Variants in CSDE1 observed in about 807,000 individuals in gnomAD.
CSDE1 encodes cold shock domain containing E1.
CSDE1 carries 17 observed loss-of-function variants against 89.3 expected under a neutral mutation model. The observed-to-expected ratio is 0.19, with a 90% CI of 0.13 to 0.29. CSDE1 has a LOEUF of 0.29. CSDE1 is among the 10% of genes least tolerant of loss of function. CSDE1 has a pLI of 1.00. For missense variants in CSDE1, 672 were observed against 984.2 expected (o/e 0.68, Z 4.24); for synonymous variants, 322 against 332.8 (o/e 0.97, Z 0.35).
In CSDE1 at chr1:114,727,371, C is replaced by T. The variant is rs75569867; in HGVS notation, c.1357-281G>A. On this transcript the variant is annotated intron_variant, in intron 12 of 19. Coordinates refer to ENST00000358528, the MANE Select transcript of CSDE1 (RefSeq NM_001007553.3). ...ACTGAAAATGTTTAATACACCTGCG[C>T]TCCTCATAGCCAATCAGAAATTAAA... Among the ~76,000 whole-genome samples the T allele has an allele frequency of 8.5e-3, 1,298 of 152,238 alleles. 17 individuals are homozygous for T. Among genetic ancestry groups the T allele is most frequent in the African/African-American group, 0.029 (1,221 of 41,542 alleles).
chr1:114,735,479 C>T (rs1660350112), intron 6 of CSDE1, among the ~76,000 whole-genome samples: 1 of 152,162 alleles, frequency 6.6e-6, no homozygotes, highest in South Asian at 2.1e-4. Flanking sequence ...CGACAAGTAA[C>T]TTTGTGAGAA....
intron 13 of CSDE1, 69 bp downstream of exon 13, chr1:114,726,914 C>T (rs1478776932): frequency 1.0e-6 from 1 of 991,180 alleles, no homozygotes. Flanking sequence ...TTTGAAGAAC[C>T]CATCCTGCAG....
chr1:114,731,365 A>G (rs1557996128), intron 10 of CSDE1, among the ~76,000 whole-genome samples: 4 of 151,848 alleles, frequency 2.6e-5, no homozygotes, highest in African/African-American at 9.7e-5. Flanking sequence ...ACCGTAAAGC[A>G]AAACAGATCT....
intron 2 of CSDE1, among the ~76,000 whole-genome samples, chr1:114,747,701 T>C (rs1661087821): frequency 6.6e-6 from 1 of 151,892 alleles, no homozygotes; most frequent in Non-Finnish European, 1.5e-5. Flanking sequence ...CTACTAAAAA[T>C]ACAAAAATAA....
At chr1:114,757,462 T>C (rs1199242445) in intron 1 of CSDE1, among the ~76,000 whole-genome samples, 1 of 151,946 alleles carries the variant, frequency 6.6e-6, no homozygotes, top group African/African-American at 2.4e-5. Flanking sequence ...TCTCAGGCTC[T>C]TCCAACCTCA....
chr1:114,737,599 T>C (rs1269543536), intron 4 of CSDE1, 36 bp from the exon 5 acceptor site: 2 of 1,494,544 alleles, frequency 1.3e-6, no homozygotes, highest in African/African-American at 2.8e-5. Flanking sequence ...CCATTGCTAA[T>C]CATTTCAGGA....
chr1:114,722,798 G>C (rs1478940330), intron 16 of CSDE1, among the ~76,000 whole-genome samples: 1 of 152,106 alleles, frequency 6.6e-6, no homozygotes, highest in Admixed American at 6.6e-5. Context: ...TGATGTCATG[G>C]CATTTGTTTA....
Position 114,724,019 on chromosome 1 carries a change from G to A in CSDE1, c.1754-17C>T. The A allele has an allele frequency of 6.2e-7, 1 of 1,603,372 alleles. No homozygotes were observed. Among genetic ancestry groups the A allele is most frequent in the Non-Finnish European group, 8.5e-7 (1 of 1,175,076 alleles). Reference sequence around the variant, plus strand: ...TGCCATTCACTACAAAACAAAGGCAGGTACATCTTTCAATTTTATTTCATC... The same window carrying A: ...TGCCATTCACTACAAAACAAAGGCAAGTACATCTTTCAATTTTATTTCATC... On this transcript the variant is annotated splice_polypyrimidine_tract_variant and intron_variant, in intron 15 of 19. Coordinates refer to ENST00000358528, the MANE Select transcript of CSDE1 (RefSeq NM_001007553.3).
intron 12 of CSDE1, among the ~76,000 whole-genome samples, chr1:114,729,382 A>AACC (rs1659978811): frequency 6.6e-6 from 1 of 151,878 alleles, no homozygotes; most frequent in Non-Finnish European, 1.5e-5. Flanking sequence ...TACAGGTGTG[A>AACC]GCCACCGCAC....
Position 114,745,239 on chromosome 1 carries a change from G to A in CSDE1, c.-1+4582C>T, listed in dbSNP as rs181558846. Among the ~76,000 whole-genome samples the A allele has an allele frequency of 3.3e-5, 5 of 152,152 alleles. No homozygotes were observed. The East Asian group carries it at 9.6e-4, about 29-fold the overall frequency. ...ACTGCATTGCAGAAAAGCTCTCCTG[G>A]GGAAATCTGAAATGTGAAAAAAGCT... is the stretch of plus-strand genomic sequence containing the variant. On this transcript the variant is annotated intron_variant, in intron 2 of 19. Transcript: ENST00000358528.
intron 2 of CSDE1, among the ~76,000 whole-genome samples, chr1:114,744,108 A>T (rs1179981617): frequency 6.6e-6 from 1 of 152,236 alleles, no homozygotes; most frequent in East Asian, 1.9e-4. Flanking sequence ...AGATAATTTA[A>T]CAGAACCTTG....
chr1:114,749,521 C>G (rs1661192028), intron 2 of CSDE1, among the ~76,000 whole-genome samples: 1 of 152,222 alleles, frequency 6.6e-6, no homozygotes, highest in Non-Finnish European at 1.5e-5. Flanking sequence ...CATAGAAAGA[C>G]TGCAATGCAC....
chr1:114,720,507 T>C (rs763473604), intron 17 of CSDE1, 32 bp downstream of exon 17: 1 of 1,570,688 alleles, frequency 6.4e-7, no homozygotes, highest in Non-Finnish European at 8.7e-7. Context: ...CATAGAAGGA[T>C]CAAATTCAGA....
chr1:114,740,095 C>A (rs1470521450), intron 2 of CSDE1, among the ~76,000 whole-genome samples: 1 of 151,990 alleles, frequency 6.6e-6, no homozygotes, highest in African/African-American at 2.4e-5. Context: ...GGGAATTGCC[C>A]CAAATTATGG....
At chr1:114,723,800 A>G (rs1659654823) in intron 16 of CSDE1, 83 bp downstream of exon 16, 15 of 1,583,998 alleles carry the variant, frequency 9.5e-6, no homozygotes, top group South Asian at 7.8e-5. Context: ...AACAACTGCA[A>G]TAAGCACCAT....
At chr1:114,751,993 G>A (rs1661333871) in intron 1 of CSDE1, among the ~76,000 whole-genome samples, 1 of 152,308 alleles carries the variant, frequency 6.6e-6, no homozygotes, top group Admixed American at 6.5e-5. Flanking sequence ...GGCCAGGTGA[G>A]TTGGCTCACG....
Position 114,719,635 on chromosome 1 carries a change from T to C in CSDE1, c.2160A>G (p.Ser720=), listed in dbSNP as rs753130918. The stretch of plus-strand genomic sequence containing the variant: ...TGCCAGTGCGCTGATTAAGAATCAC[T>C]GAGAACTCCACCTCATCTCCTGCCT... ...ELQAGDEVEF[S]VILNQRTGKC... Residue 720 remains serine (S), a synonymous_variant, in exon 18 of 20, where the codon TCA becomes TCG. Transcript: ENST00000358528. 8 of 1,613,838 alleles carry C rather than the reference T, an allele frequency of 5.0e-6. No homozygotes were observed. The highest frequency in any genetic ancestry group is 6.8e-6 in the Non-Finnish European group (8 of 1,179,734).
intron 1 of CSDE1, among the ~76,000 whole-genome samples, chr1:114,753,196 A>C (rs1192824578): frequency 2.0e-5 from 3 of 152,236 alleles, no homozygotes; most frequent in Non-Finnish European, 4.4e-5. Context: ...ATCTTGAAAC[A>C]CTTGAACTGG....
intron 11 of CSDE1, 42 bp downstream of exon 11, chr1:114,730,466 G>C (rs1453674373): frequency 3.7e-6 from 6 of 1,610,454 alleles, no homozygotes; most frequent in Admixed American, 1.7e-5. Context: ...GAAAAAGAAA[G>C]CATCAAGAAA....
Sources: gnomAD v4.1 joint callset for allele counts (sites outside exome capture counted in the v4.1 genomes callset) on GRCh38, gnomAD v4.1.1 for gene constraint, MANE v1.5 for transcripts, NCBI Gene and HGNC (gene_info 2026-07-23, HGNC 2026-07-21) for gene names.